The following CEP120 variants were observed in gnomAD, a reference collection of about 807,000 sequenced individuals.
The protein encoded by CEP120 is centrosomal protein 120, also known as centrosomal protein of 120 kDa.
Under a neutral mutation model 126.5 loss-of-function variants are expected in CEP120, and 113 were observed. That is an observed-to-expected ratio of 0.89 (90% CI 0.77 to 1.04). The LOEUF (loss-of-function observed/expected upper bound fraction) is 1.04. CEP120 is among the 50% of genes least tolerant of loss of function. The pLI, the probability that CEP120 is intolerant of heterozygous loss-of-function variation, is 0.00. For synonymous variants in CEP120, 400 were observed against 394.3 expected (o/e 1.01, Z -0.17); for missense variants, 1,230 against 1,155.7 (o/e 1.06, Z -0.93).
At position 123,383,048 on chromosome 5, in the gene CEP120, C is replaced by A. The variant is rs1291952872; in HGVS notation, c.1798G>T (p.Val600Leu). The A allele has an allele frequency of 1.9e-6, 3 of 1,563,456 alleles. No individual in the cohort carries two copies. In the African/African-American group the frequency reaches 4.1e-5, roughly 21 times the overall value. The change falls in exon 12 of 20, where the codon GTG becomes TTG. Residue 600 changes from valine to leucine, a missense_variant. Physicochemically the swap from Val to Leu is conservative, Grantham distance 32 (BLOSUM62 1). Transcript: ENST00000306467. ...ACTAGTCCATAATCTTCTAGAGTCA[C>A]TGTGTAAGAAAGATCTGCTATCCTG... is the stretch of plus-strand genomic sequence containing the variant. ...NNRIADLSYT[V>L]TLEDYGLVKM...
chr5:123,379,998 T>C (rs1178497375), intron 14 of CEP120, among the ~76,000 whole-genome samples: 1 of 152,042 alleles, frequency 6.6e-6, no homozygotes. Flanking sequence ...TAAGACAGAG[T>C]ATATCTCAGT....
intron 6 of CEP120, 23 bp from the exon 7 acceptor site, chr5:123,391,360 A>C: frequency 6.5e-7 from 1 of 1,541,842 alleles, no homozygotes; most frequent in Non-Finnish European, 9.0e-7. Flanking sequence ...GGAAAAATCA[A>C]AATAGGGCTT....
intron 16 of CEP120, among the ~76,000 whole-genome samples, chr5:123,374,499 CAA>C (rs2127026585): frequency 6.6e-6 from 1 of 152,012 alleles, no homozygotes; most frequent in South Asian, 2.1e-4. Context: ...TAAATGCGAA[CAA>C]AGATTGCTAA....
At chr5:123,399,567 A>G (rs1029717771) in intron 4 of CEP120, among the ~76,000 whole-genome samples, 3 of 152,222 alleles carry the variant, frequency 2.0e-5, no homozygotes, top group Non-Finnish European at 4.4e-5. Flanking sequence ...CAGTGAATCT[A>G]AACTGGAAAG....
intron 1 of CEP120, among the ~76,000 whole-genome samples, chr5:123,419,980 G>T (rs1264212681): frequency 6.6e-6 from 1 of 152,198 alleles, no homozygotes; most frequent in Non-Finnish European, 1.5e-5. Context: ...AGAAATCCCT[G>T]CTGCTACTCA....
intron 4 of CEP120, chr5:123,401,287 C>G (rs991356291): frequency 6.2e-7 from 1 of 1,608,326 alleles, no homozygotes. Flanking sequence ...AGCTCGACAA[C>G]TTGGCGTTAG....
intron 14 of CEP120, among the ~76,000 whole-genome samples, chr5:123,379,835 C>T (rs1441918598): frequency 6.6e-6 from 1 of 152,048 alleles, no homozygotes; most frequent in African/African-American, 2.4e-5. Context: ...GGGCTGTGTC[C>T]GGAATACCCT....
intron 2 of CEP120, 38 bp downstream of exon 2, chr5:123,418,318 TAAG>T (rs1774501088): frequency 6.7e-7 from 1 of 1,494,796 alleles, no homozygotes; most frequent in Non-Finnish European, 9.0e-7. Context: ...GCCTGAAAAA[TAAG>T]AAACCAATAA....
At chr5:123,373,778 T>C (rs939617982) in intron 16 of CEP120, among the ~76,000 whole-genome samples, 2 of 152,030 alleles carry the variant, frequency 1.3e-5, no homozygotes, top group African/African-American at 4.8e-5. Flanking sequence ...GCCCTGGAAC[T>C]ATAAGGCCTC....
chr5:123,373,331 C>G (rs1469305985), intron 16 of CEP120, among the ~76,000 whole-genome samples: 1 of 151,874 alleles, frequency 6.6e-6, no homozygotes, highest in African/African-American at 2.4e-5. Flanking sequence ...CCTCAGAAAA[C>G]AAAGAAGGAA....
At chr5:123,348,567 C>T (rs565227761) in intron 19 of CEP120, among the ~76,000 whole-genome samples, 6 of 152,312 alleles carry the variant, frequency 3.9e-5, no homozygotes, top group Admixed American at 6.5e-5. Flanking sequence ...GGTATTTCTT[C>T]AATTATCTTT....
rs1771698271 is a variant in CEP120 at position 123,382,251 on chromosome 5, T to G, written c.2014-51A>C. On this transcript the variant is annotated intron_variant, in intron 13 of 19. Transcript: ENST00000306467. ...GCCAAAAAACCCCAAATATGTCAAATAAATGAATCAGTTGTCAGTTAAATA... is the reference window on the plus strand; with the variant it reads ...GCCAAAAAACCCCAAATATGTCAAAGAAATGAATCAGTTGTCAGTTAAATA... 8 of 1,096,782 alleles carry G rather than the reference T, an allele frequency of 7.3e-6. No individual in the cohort carries two copies. In the East Asian group the frequency reaches 2.0e-4, roughly 28 times the overall value. 67.9% of individuals were successfully genotyped at this position (1,096,782 alleles called of 1,614,324 possible). A position where few individuals can be genotyped will look rare whatever the true frequency, so the allele number is the denominator to read the frequency against.
At chr5:123,416,974 C>T (rs1774429187) in intron 2 of CEP120, among the ~76,000 whole-genome samples, 2 of 152,076 alleles carry the variant, frequency 1.3e-5, no homozygotes, top group African/African-American at 2.4e-5. Context: ...TGTTTTAGTT[C>T]GGAACCCCTC....
intron 4 of CEP120, among the ~76,000 whole-genome samples, chr5:123,405,631 A>C (rs1375740181): frequency 6.6e-6 from 1 of 152,208 alleles, no homozygotes; most frequent in East Asian, 1.9e-4. Context: ...AAAACTGAGA[A>C]GCAATGGTGA....
upstream of CEP120, among the ~76,000 whole-genome samples, chr5:123,423,752 A>G (rs983121421): frequency 6.6e-6 from 1 of 152,232 alleles, no homozygotes; most frequent in African/African-American, 2.4e-5. Flanking sequence ...AAAAAATTAA[A>G]TCACAAAAAA....
intron 17 of CEP120, among the ~76,000 whole-genome samples, chr5:123,365,577 C>T (rs1366267656): frequency 6.6e-6 from 1 of 151,632 alleles, no homozygotes; most frequent in Non-Finnish European, 1.5e-5. Flanking sequence ...TATATGACTA[C>T]ATGGAGTCAA....
At chr5:123,416,514 T>C (rs1452155182) in intron 2 of CEP120, among the ~76,000 whole-genome samples, 2 of 152,076 alleles carry the variant, frequency 1.3e-5, no homozygotes, top group Non-Finnish European at 2.9e-5. Flanking sequence ...GAGGTTGCAG[T>C]GAGCCGAGAT....
intron 10 of CEP120, among the ~76,000 whole-genome samples, chr5:123,386,293 G>A (rs968215882): frequency 4.6e-5 from 7 of 151,884 alleles, no homozygotes; most frequent in African/African-American, 1.5e-4. Flanking sequence ...TCTAAATTCA[G>A]GTAAATAAGA....
At chr5:123,349,745 A>G (rs1035661001) in intron 19 of CEP120, among the ~76,000 whole-genome samples, 199 bp downstream of exon 19, 1 of 152,038 alleles carries the variant, frequency 6.6e-6, no homozygotes, top group Non-Finnish European at 1.5e-5. Context: ...GGCTCAAACG[A>G]TCCTCCCACC....
Sources: gnomAD v4.1 joint callset for allele counts (sites outside exome capture counted in the v4.1 genomes callset) on GRCh38, gnomAD v4.1.1 for gene constraint, MANE v1.5 for transcripts, NCBI Gene and HGNC (gene_info 2026-07-23, HGNC 2026-07-21) for gene names.